The following SPRED1 variants were observed in gnomAD, a reference collection of about 807,000 sequenced individuals.
The protein encoded by SPRED1 is sprouty related EVH1 domain containing 1, also known as sprouty-related, EVH1 domain-containing protein 1.
Under a neutral mutation model 52.3 loss-of-function variants are expected in SPRED1, and 18 were observed. The observed-to-expected ratio is 0.34, with a 90% CI of 0.24 to 0.51. The LOEUF (loss-of-function observed/expected upper bound fraction) is 0.51, where lower values mean the gene tolerates loss of function less well. Ranked by LOEUF, SPRED1 falls within the 20% of genes least tolerant of loss-of-function variation. The pLI, the probability that SPRED1 is intolerant of heterozygous loss-of-function variation, is 0.97. For missense variants in SPRED1, 485 were observed against 551.0 expected (o/e 0.88, Z 1.20); for synonymous variants, 155 against 179.7 (o/e 0.86, Z 1.10).
intron 1 of SPRED1, among the ~76,000 whole-genome samples, chr15:38,262,707 A>G (rs1211202307): frequency 1.3e-5 from 2 of 152,238 alleles, no homozygotes; most frequent in Non-Finnish European, 2.9e-5. Flanking sequence ...TGAGCATGGC[A>G]GAAGCCCCTG....
intron 1 of SPRED1, among the ~76,000 whole-genome samples, chr15:38,292,324 A>G (rs1175731074): frequency 6.6e-6 from 1 of 152,100 alleles, no homozygotes; most frequent in Non-Finnish European, 1.5e-5. Flanking sequence ...GAGTCTTCCA[A>G]ATTGTTCCAA....
At chr15:38,343,383 GA>G (rs1375692218) in intron 5 of SPRED1, among the ~76,000 whole-genome samples, 1 of 151,992 alleles carries the variant, frequency 6.6e-6, no homozygotes, top group African/African-American at 2.4e-5. Flanking sequence ...TCAGGACAGA[GA>G]AAAAAATTGA....
Position 38,341,120 on chromosome 15 carries a change from T to A in SPRED1, c.582+1225T>A, listed in dbSNP as rs573345570. On this transcript the variant is annotated intron_variant, in intron 5 of 6. Coordinates refer to ENST00000299084, the MANE Select transcript of SPRED1 (RefSeq NM_152594.3). ...GACAAGTTATAGTTTACAGTAACTT[T>A]GTCTGTTTCATCCAGATTTTCAAGT... Among the ~76,000 whole-genome samples, 104 of 151,918 alleles carry A rather than the reference T, an allele frequency of 6.8e-4. 1 individual carries two copies. Among genetic ancestry groups the A allele is most frequent in the East Asian group, 1.4e-3 (7 of 5,136 alleles).
chr15:38,322,772 C>CT (rs371955438), intron 3 of SPRED1, among the ~76,000 whole-genome samples: 1 of 152,160 alleles, frequency 6.6e-6, no homozygotes, highest in African/African-American at 2.4e-5. Flanking sequence ...CAGTCACATC[C>CT]TTTTTTTGGG....
At chr15:38,336,784 C>T (rs1044673985) in intron 4 of SPRED1, among the ~76,000 whole-genome samples, 2 of 150,808 alleles carry the variant, frequency 1.3e-5, no homozygotes, top group Admixed American at 6.6e-5. Context: ...TTTAGGGACT[C>T]GGAAAAGGGT....
At chr15:38,283,510 G>C in intron 1 of SPRED1, 1 of 984,964 alleles carries the variant, frequency 1.0e-6, no homozygotes, top group African/African-American at 1.7e-5. Flanking sequence ...TCAGGGGCAT[G>C]ATGATGGAAT....
At chr15:38,342,938 C>CAGTT (rs1004883278) in intron 5 of SPRED1, among the ~76,000 whole-genome samples, 1 of 152,000 alleles carries the variant, frequency 6.6e-6, no homozygotes, top group African/African-American at 2.4e-5. Context: ...ACTATGAGGA[C>CAGTT]AGTTAGAATT....
intron 4 of SPRED1, among the ~76,000 whole-genome samples, chr15:38,337,747 T>C (rs754669758): frequency 6.6e-6 from 1 of 152,062 alleles, no homozygotes; most frequent in African/African-American, 2.4e-5. Flanking sequence ...TTTATAATTT[T>C]AATATAACTT....
At chr15:38,261,596 C>T (rs757236844) in intron 1 of SPRED1, among the ~76,000 whole-genome samples, 1 of 151,980 alleles carries the variant, frequency 6.6e-6, no homozygotes, top group African/African-American at 2.4e-5. Flanking sequence ...ATTTTTTAGA[C>T]GGAGTCTTGC....
chr15:38,343,936 A>G (rs1896079715), intron 5 of SPRED1, among the ~76,000 whole-genome samples: 1 of 152,176 alleles, frequency 6.6e-6, no homozygotes, highest in Admixed American at 6.5e-5. Flanking sequence ...ATAAAAAATT[A>G]AAGAAAAATT....
intron 1 of SPRED1, among the ~76,000 whole-genome samples, chr15:38,253,668 T>C (rs1894030901): frequency 6.6e-6 from 1 of 152,004 alleles, no homozygotes; most frequent in Non-Finnish European, 1.5e-5. Context: ...ATTCGATGAG[T>C]CAGTGACTCT....
intron 1 of SPRED1, among the ~76,000 whole-genome samples, chr15:38,283,144 A>G (rs1374633480): frequency 6.6e-6 from 1 of 152,194 alleles, no homozygotes; most frequent in Non-Finnish European, 1.5e-5. Context: ...CGGGAAACTT[A>G]CAGTCATGAC....
At chr15:38,284,517 A>G (rs1894763148) in intron 1 of SPRED1, among the ~76,000 whole-genome samples, 1 of 152,152 alleles carries the variant, frequency 6.6e-6, no homozygotes, top group South Asian at 2.1e-4. Flanking sequence ...GTTTTTAGCA[A>G]TACAGAGATT....
chr15:38,320,042 C>A (rs963271598), intron 2 of SPRED1, among the ~76,000 whole-genome samples: 1 of 152,008 alleles, frequency 6.6e-6, no homozygotes, highest in Non-Finnish European at 1.5e-5. Flanking sequence ...ACCTCAAGAA[C>A]CTAGGTAATT....
intron 5 of SPRED1, among the ~76,000 whole-genome samples, chr15:38,346,329 C>T (rs1007498752): frequency 2.0e-5 from 3 of 150,308 alleles, no homozygotes; most frequent in African/African-American, 7.3e-5. Flanking sequence ...AAAAAAAAAT[C>T]CTCTGGATGG....
At chr15:38,314,700 G>A (rs1895438337) in intron 2 of SPRED1, among the ~76,000 whole-genome samples, 1 of 151,816 alleles carries the variant, frequency 6.6e-6, no homozygotes, top group Non-Finnish European at 1.5e-5. Context: ...AAATACCTAT[G>A]TATGTCTGAC....
chr15:38,330,038 C>T (rs1246048569), intron 4 of SPRED1, among the ~76,000 whole-genome samples: 1 of 152,086 alleles, frequency 6.6e-6, no homozygotes, highest in Non-Finnish European at 1.5e-5. Flanking sequence ...TAGAAATATA[C>T]TTATCATTTA....
At chr15:38,312,928 T>C (rs1489326294) in intron 2 of SPRED1, among the ~76,000 whole-genome samples, 1 of 152,024 alleles carries the variant, frequency 6.6e-6, no homozygotes. Context: ...TTGGCAAGGA[T>C]ACTCTCAAGC....
intron 2 of SPRED1, among the ~76,000 whole-genome samples, chr15:38,299,783 G>A (rs1895117094): frequency 1.3e-5 from 2 of 151,946 alleles, no homozygotes; most frequent in African/African-American, 4.8e-5. Flanking sequence ...TAATGCAGGA[G>A]TTAATAAATA....
Sources: gnomAD v4.1 joint callset for allele counts (sites outside exome capture counted in the v4.1 genomes callset) on GRCh38, gnomAD v4.1.1 for gene constraint, MANE v1.5 for transcripts, NCBI Gene and HGNC (gene_info 2026-07-23, HGNC 2026-07-21) for gene names.